The following CUL2 variants were observed in gnomAD, a reference collection of about 807,000 sequenced individuals.
CUL2 encodes cullin-2.
In CUL2, 22 loss-of-function variants were observed where a neutral mutation model predicts 110.2. The ratio of observed to expected loss-of-function variants is 0.20; its 90% CI spans 0.14 to 0.28. CUL2 has a LOEUF of 0.28. CUL2 is among the 10% of genes least tolerant of loss of function. The pLI, the probability that CUL2 is intolerant of heterozygous loss-of-function variation, is 1.00. For synonymous variants in CUL2, 279 were observed against 293.2 expected (o/e 0.95, Z 0.49); for missense variants, 631 against 905.5 (o/e 0.70, Z 3.89).
At chr10:35,103,308 A>ATTTTTTTTTTTT (rs67257350) in intron 1 of CUL2, among the ~76,000 whole-genome samples, 1,322 of 94,254 alleles carry the variant, frequency 0.014, no homozygotes, top group Non-Finnish European at 0.02. Context: ...GGCCAAGCTA[A>ATTTTTTTTTTTT]TTTTTTTTTT....
chr10:35,074,528 CAG>C (rs1030552684), intron 1 of CUL2, among the ~76,000 whole-genome samples: 4 of 152,142 alleles, frequency 2.6e-5, no homozygotes, highest in African/African-American at 7.2e-5. Context: ...GTTCCTGAGA[CAG>C]AGTCTCCCTC....
rs781594491 is a variant in CUL2 at position 35,032,501 on chromosome 10, A to T, written c.1111-7T>A. On this transcript the variant is annotated splice_polypyrimidine_tract_variant and splice_region_variant and intron_variant, in intron 11 of 20. Coordinates refer to ENST00000374749, the MANE Select transcript of CUL2 (RefSeq NM_003591.4). ...TTACAACTGACGTAAGGGCCTGAAT[A>T]AAAAAACACGCCATAATTAACCACC... 10 of 1,581,300 alleles carry T rather than the reference A, an allele frequency of 6.3e-6. No homozygotes were observed. Among genetic ancestry groups the T allele is most frequent in the East Asian group, 2.4e-5 (1 of 42,464 alleles).
At chr10:35,017,072 C>T (rs1245660610) in intron 17 of CUL2, among the ~76,000 whole-genome samples, 1 of 151,880 alleles carries the variant, frequency 6.6e-6, no homozygotes, top group African/African-American at 2.4e-5. Context: ...AAAGTGATAT[C>T]AGCAACAGCC....
chr10:35,032,483 T>A lies in CUL2; in HGVS notation c.1122A>T (p.Ser374=), dbSNP rs1241414768. Reference sequence around the variant, plus strand: ...ACTTAGGTTCTCTGTAATTTACAACTGACGTAAGGGCCTGAATAAAAAAAC... The same window carrying A: ...ACTTAGGTTCTCTGTAATTTACAACAGACGTAAGGGCCTGAATAAAAAAAC... ...FMSALDKALT[S]VVNYREPKSV... The change falls in exon 12 of 21, where the codon TCA becomes TCT. Residue 374 remains serine, a synonymous_variant. Coordinates refer to ENST00000374749, the MANE Select transcript of CUL2 (RefSeq NM_003591.4). The A allele has an allele frequency of 1.3e-6, 2 of 1,591,516 alleles. No homozygotes were observed. The highest frequency in any genetic ancestry group is 8.5e-7 in the Non-Finnish European group (1 of 1,173,228).
chr10:35,076,024 CAA>C (rs1176184652), intron 1 of CUL2, among the ~76,000 whole-genome samples: 1 of 152,108 alleles, frequency 6.6e-6, no homozygotes, highest in Non-Finnish European at 1.5e-5. Context: ...TGAAATAGCT[CAA>C]GTGTCTATCA....
intron 1 of CUL2, among the ~76,000 whole-genome samples, chr10:35,077,304 A>C (rs1346929578): frequency 5.3e-5 from 8 of 150,672 alleles, no homozygotes; most frequent in Non-Finnish European, 8.9e-5. Flanking sequence ...AAAAAAAAAA[A>C]CAAAAAACAA....
intron 1 of CUL2, among the ~76,000 whole-genome samples, chr10:35,088,433 G>GGAGGCA (rs1378873941): frequency 3.0e-5 from 2 of 65,672 alleles, no homozygotes; most frequent in Non-Finnish European, 3.5e-5. Context: ...GCTTGAACTG[G>GGAGGCA]GAGGTTGCAG....
intron 2 of CUL2, among the ~76,000 whole-genome samples, chr10:35,066,069 A>C (rs2086514708): frequency 6.6e-6 from 1 of 152,226 alleles, no homozygotes; most frequent in Admixed American, 6.5e-5. Flanking sequence ...CCTAACCAGC[A>C]GCAAAGTTAC....
At chr10:35,018,620 G>A (rs1053301460) in intron 17 of CUL2, among the ~76,000 whole-genome samples, 4 of 151,652 alleles carry the variant, frequency 2.6e-5, no homozygotes, top group Admixed American at 6.6e-5. Context: ...AAAATTAGCC[G>A]GGTGTGGTGG....
chr10:35,014,504 C>A (rs955641092), intron 18 of CUL2, among the ~76,000 whole-genome samples: 10 of 152,160 alleles, frequency 6.6e-5, no homozygotes, highest in African/African-American at 2.2e-4. Flanking sequence ...CAATAATAAT[C>A]TAAGACATTC....
Position 35,038,946 on chromosome 10 carries a change from T to C in CUL2, c.851A>G (p.Asn284Ser). The change falls in exon 9 of 21, where the codon AAT (asparagine) becomes AGT (serine). Residue 284 changes from asparagine to serine, a missense_variant. Transcript: ENST00000374749. ...HLQFLHAECH[N>S]IIRQEKKNDM... is the part of the protein sequence containing the mutation. ...ATTTTTTTTCTCTTGTCGAATTATA[T>C]TATGACATTCTGCATGTAAAAACTG... 1 of 1,602,600 alleles carries C rather than the reference T, an allele frequency of 6.2e-7. No homozygotes were observed. Among genetic ancestry groups the C allele is most frequent in the Non-Finnish European group, 8.5e-7 (1 of 1,174,216 alleles).
intron 1 of CUL2, among the ~76,000 whole-genome samples, chr10:35,123,091 C>T (rs750311815): frequency 2.0e-5 from 3 of 152,056 alleles, no homozygotes; most frequent in Non-Finnish European, 4.4e-5. Flanking sequence ...TGAGCTGTGA[C>T]GGCACCACTG....
chr10:35,071,725 G>A (rs1464582814), intron 1 of CUL2, among the ~76,000 whole-genome samples: 1 of 152,090 alleles, frequency 6.6e-6, no homozygotes, highest in Non-Finnish European at 1.5e-5. Context: ...TGTTTTTAAA[G>A]CACTACATAA....
At chr10:35,048,156 T>G (rs1405256681) in intron 6 of CUL2, among the ~76,000 whole-genome samples, 1 of 152,162 alleles carries the variant, frequency 6.6e-6, no homozygotes, top group Admixed American at 6.5e-5. Flanking sequence ...TGGTATGTAG[T>G]TCCCATGTTT....
At chr10:35,048,230 T>C (rs1351022674) in intron 6 of CUL2, among the ~76,000 whole-genome samples, 2 of 152,128 alleles carry the variant, frequency 1.3e-5, no homozygotes, top group Non-Finnish European at 2.9e-5. Context: ...AAGAGAGCTG[T>C]CATGAAGAAT....
intron 14 of CUL2, among the ~76,000 whole-genome samples, chr10:35,030,219 G>C (rs1432186806): frequency 6.6e-6 from 1 of 152,188 alleles, no homozygotes; most frequent in Non-Finnish European, 1.5e-5. Context: ...ACTCCAGCCT[G>C]TAGTCAATTG....
At chr10:35,013,860 GCTGCAAGCAATT>G in intron 18 of CUL2, 60 bp from the exon 19 acceptor site, 1 of 1,176,978 alleles carries the variant, frequency 8.5e-7, no homozygotes, top group Non-Finnish European at 1.1e-6. Context: ...ATAAGAGTTT[GCTGCAAGCAATT>G]CTGCTAAATT....
At chr10:35,066,092 ATG>A (rs2086516427) in intron 2 of CUL2, among the ~76,000 whole-genome samples, 1 of 152,144 alleles carries the variant, frequency 6.6e-6, no homozygotes, top group Admixed American at 6.5e-5. Flanking sequence ...ATTTTATTTC[ATG>A]TTCTCTATTA....
intron 17 of CUL2, among the ~76,000 whole-genome samples, chr10:35,017,000 A>G (rs1322777353): frequency 6.6e-6 from 1 of 152,126 alleles, no homozygotes; most frequent in African/African-American, 2.4e-5. Context: ...AGAAAAAGAA[A>G]AGAACAAAAA....
Sources: gnomAD v4.1 joint callset for allele counts (sites outside exome capture counted in the v4.1 genomes callset) on GRCh38, gnomAD v4.1.1 for gene constraint, MANE v1.5 for transcripts, NCBI Gene and HGNC (gene_info 2026-07-23, HGNC 2026-07-21) for gene names.